ASPH: variants seen among roughly 807,000 people sequenced by gnomAD.
ASPH encodes aspartyl/asparaginyl beta-hydroxylase.
In ASPH, 100 loss-of-function variants were observed where a neutral mutation model predicts 118.4. The observed-to-expected ratio is 0.84, with a 90% CI of 0.72 to 1.00. The LOEUF (loss-of-function observed/expected upper bound fraction) is 1.00. Ranked by LOEUF, ASPH falls within the 50% of genes least tolerant of loss-of-function variation. The pLI, the probability that ASPH is intolerant of heterozygous loss-of-function variation, is 0.00. For missense variants in ASPH, 920 were observed against 919.5 expected, an observed-to-expected ratio of 1.00 and a Z score of -0.01; for synonymous variants, 315 against 325.6, an observed-to-expected ratio of 0.97 and a Z score of 0.35.
At chr8:61,556,153 C>G (rs746075069) in intron 18 of ASPH, 131 bp from the exon 19 acceptor site, 10 of 708,416 alleles carry the variant, frequency 1.4e-5, no homozygotes, top group Non-Finnish European at 2.4e-5. Flanking sequence ...GATGTTACAG[C>G]TGAAAACACC....
chr8:61,553,484 T>C (rs189821910), intron 19 of ASPH, among the ~76,000 whole-genome samples: 108 of 152,360 alleles, frequency 7.1e-4, no homozygotes, highest in African/African-American at 1.7e-3. Context: ...ATATGTCATC[T>C]AGAGGCTTTT....
intron 1 of ASPH, among the ~76,000 whole-genome samples, chr8:61,704,143 C>T (rs993634052): frequency 2.4e-5 from 3 of 123,434 alleles, no homozygotes; most frequent in African/African-American, 9.3e-5. Context: ...TGCAGTGAGC[C>T]GAGATCCCGC....
At position 61,714,440 on chromosome 8, in the gene ASPH, C is replaced by G; in HGVS notation, c.-69G>C. On this transcript the variant is annotated 5_prime_UTR_variant, in exon 1 of 25. Transcript: ENST00000379454. ...AGTGCGCGGGGGTACACACGCGACG[C>G]GGGAACCGCTGGCGGCGGCGGGCCG... 1 of 1,364,614 alleles carries G rather than the reference C, an allele frequency of 7.3e-7. No individual in the cohort carries two copies. The highest frequency in any genetic ancestry group is 2.7e-4 in the Middle Eastern group (1 of 3,652). The allele number at this position is 1,364,614 out of a possible 1,614,324, so 84.5% of individuals were successfully genotyped here. A position where few individuals can be genotyped will look rare whatever the true frequency, so the allele number is the denominator to read the frequency against.
chr8:61,664,780 G>A, intron 3 of ASPH: 3 of 987,160 alleles, frequency 3.0e-6, no homozygotes, highest in Non-Finnish European at 3.6e-6. Context: ...TGGCACATGA[G>A]CCTGGGGAGG....
intron 3 of ASPH, chr8:61,675,310 T>C (rs547611829): frequency 1.1e-6 from 1 of 913,312 alleles, no homozygotes; most frequent in Non-Finnish European, 1.3e-6. Context: ...TATTCACATG[T>C]TCCCTCTTGT....
chr8:61,551,825 C>T lies in ASPH; in HGVS notation c.1626+1206G>A, dbSNP rs143252948. The stretch of plus-strand genomic sequence containing the variant: ...AGTGATTACATCTAAAAGAAAAATG[C>T]GATGCAAAAAGGACTACTAATCAGC... On this transcript the variant is annotated intron_variant, in intron 20 of 24. Coordinates refer to ENST00000379454, the MANE Select transcript of ASPH (RefSeq NM_004318.4). Among the ~76,000 whole-genome samples the T allele has an allele frequency of 6.7e-4, 102 of 152,248 alleles. 1 individual carries two copies. In the Middle Eastern group the frequency reaches 0.027, roughly 41 times the overall value.
intron 24 of ASPH, among the ~76,000 whole-genome samples, chr8:61,508,617 T>A (rs1807571598): frequency 6.6e-6 from 1 of 152,196 alleles, no homozygotes; most frequent in African/African-American, 2.4e-5. Flanking sequence ...TGTTCTGAGA[T>A]AGGCAAAGGA....
intron 20 of ASPH, among the ~76,000 whole-genome samples, 182 bp downstream of exon 20, chr8:61,552,849 T>TA (rs1826490426): frequency 6.6e-6 from 1 of 152,240 alleles, no homozygotes; most frequent in Non-Finnish European, 1.5e-5. Flanking sequence ...AAAAATTCTT[T>TA]AAAGGGTTAA....
intron 3 of ASPH, 37 bp downstream of exon 3, chr8:61,680,931 T>C (rs199594157): frequency 2.0e-6 from 3 of 1,528,128 alleles, no homozygotes; most frequent in African/African-American, 2.8e-5. Context: ...TCCAGCATTT[T>C]ATCACCACTA....
Position 61,510,268 on chromosome 8 carries a change from T to C in ASPH, c.2127-6759A>G, listed in dbSNP as rs75984735. On this transcript the variant is annotated intron_variant, in intron 24 of 24. Transcript: ENST00000379454. ...GCTTAATGAGGTTATGTAAGTTGTA[T>C]AGAGTTACTCTTTACAAGAGGGAAA... Among the ~76,000 whole-genome samples the C allele has an allele frequency of 3.2e-3, 493 of 152,288 alleles. 3 individuals carry two copies. Among genetic ancestry groups the C allele is most frequent in the Non-Finnish European group, 3.5e-3 (237 of 68,026 alleles).
At chr8:61,674,897 A>G (rs1824490425) in intron 3 of ASPH, among the ~76,000 whole-genome samples, 1 of 152,218 alleles carries the variant, frequency 6.6e-6, no homozygotes, top group Non-Finnish European at 1.5e-5. Context: ...ACTAAGCAAA[A>G]TCCTAGAGAA....
intron 7 of ASPH, 120 bp downstream of exon 7, chr8:61,644,479 AT>A: frequency 2.9e-6 from 2 of 678,792 alleles, no homozygotes; most frequent in Non-Finnish European, 4.3e-6. Context: ...AAAATTATTA[AT>A]TGCATATCTT....
intron 18 of ASPH, among the ~76,000 whole-genome samples, chr8:61,557,496 C>T (rs558505232): frequency 1.3e-5 from 2 of 152,324 alleles, no homozygotes; most frequent in South Asian, 4.1e-4. Flanking sequence ...TGAAGCCTAC[C>T]CCTGACCATT....
intron 3 of ASPH, chr8:61,665,618 T>G (rs891690946): frequency 1.3e-6 from 2 of 1,551,064 alleles, no homozygotes; most frequent in Admixed American, 2.2e-5. Context: ...TTTCAGATTT[T>G]CCAATTAAAG....
intron 14 of ASPH, among the ~76,000 whole-genome samples, chr8:61,598,065 T>TACA (rs1335643239): frequency 6.6e-6 from 1 of 151,976 alleles, no homozygotes; most frequent in South Asian, 2.1e-4. Context: ...GCAAAAAATA[T>TACA]ACAACAACAA....
chr8:61,584,956 C>T (rs973362145), intron 14 of ASPH, among the ~76,000 whole-genome samples: 2 of 152,226 alleles, frequency 1.3e-5, no homozygotes, highest in Non-Finnish European at 2.9e-5. Context: ...ACTCAGTTCC[C>T]TGCTCCACTG....
At chr8:61,644,465 T>A in intron 7 of ASPH, 135 bp downstream of exon 7, 1 of 619,998 alleles carries the variant, frequency 1.6e-6, no homozygotes, top group Non-Finnish European at 2.4e-6. Flanking sequence ...ATATAAGACG[T>A]AATAAAATTA....
At chr8:61,673,521 T>C (rs1421107889) in intron 3 of ASPH, among the ~76,000 whole-genome samples, 2 of 152,088 alleles carry the variant, frequency 1.3e-5, no homozygotes, top group African/African-American at 4.8e-5. Context: ...TTCCACAGAG[T>C]TTCTCAACTC....
chr8:61,679,243 T>A (rs902025962), intron 3 of ASPH, among the ~76,000 whole-genome samples: 6 of 152,146 alleles, frequency 3.9e-5, no homozygotes, highest in African/African-American at 1.4e-4. Flanking sequence ...ATGCATTTAT[T>A]AGTAAAGTTA....
Sources: allele counts gnomAD v4.1 joint callset (sites outside exome capture counted in the v4.1 genomes callset), GRCh38; gene constraint gnomAD v4.1.1; transcripts MANE v1.5; gene names NCBI Gene and HGNC (gene_info 2026-07-23, HGNC 2026-07-21).